DMXL2: variants seen among roughly 807,000 people sequenced by gnomAD.
DMXL2 encodes dmX-like protein 2.
In DMXL2, 103 loss-of-function variants were observed where a neutral mutation model predicts 331.1. The observed-to-expected ratio is 0.31, with a 90% CI of 0.27 to 0.37. The LOEUF (loss-of-function observed/expected upper bound fraction) is 0.37, where lower values mean the gene tolerates loss of function less well. Among genes scored for constraint, DMXL2 ranks in the 10% least tolerant of loss-of-function variants. The pLI is 1.00. For synonymous variants in DMXL2, 1,281 were observed against 1,252.1 expected (o/e 1.02, Z -0.49); for missense variants, 3,171 against 3,642.9 (o/e 0.87, Z 3.33).
At chr15:51,615,265 G>A (rs951827429) in intron 1 of DMXL2, among the ~76,000 whole-genome samples, 1 of 152,198 alleles carries the variant, frequency 6.6e-6, no homozygotes, top group Non-Finnish European at 1.5e-5. Flanking sequence ...ATTAAGCATG[G>A]TAGGAGAAAA....
intron 26 of DMXL2, among the ~76,000 whole-genome samples, chr15:51,477,548 A>G (rs894165057): frequency 6.6e-6 from 1 of 152,034 alleles, no homozygotes; most frequent in Non-Finnish European, 1.5e-5. Flanking sequence ...TTTACTTGAT[A>G]CCAAATGTTC....
In DMXL2 at chr15:51,476,733, G is replaced by C. The variant is rs758808408; in HGVS notation, c.6834-14C>G. ...TCTGTTTGACTGCTAAAACAAATAG[G>C]TTCAGTTATTTATCATCCTGAGAGG... On this transcript the variant is annotated splice_polypyrimidine_tract_variant and intron_variant, in intron 26 of 43. Coordinates refer to ENST00000560891, the MANE Select transcript of DMXL2 (RefSeq NM_001378457.1). The C allele has an allele frequency of 1.9e-6, 3 of 1,584,306 alleles. No individual in the cohort carries two copies. Among genetic ancestry groups the C allele is most frequent in the Non-Finnish European group, 2.6e-6 (3 of 1,171,708 alleles).
At chr15:51,502,050 G>A (rs554110469) in intron 17 of DMXL2, among the ~76,000 whole-genome samples, 2 of 151,568 alleles carry the variant, frequency 1.3e-5, no homozygotes, top group Non-Finnish European at 2.9e-5. Context: ...CTAACACGGT[G>A]AAACCCCGTC....
chr15:51,585,095 C>T (rs2141194605), intron 1 of DMXL2, among the ~76,000 whole-genome samples: 1 of 38,478 alleles, frequency 2.6e-5, no homozygotes, highest in South Asian at 8.0e-4. Flanking sequence ...TTGACTTCCT[C>T]TTTTCCTAAT....
intron 28 of DMXL2, among the ~76,000 whole-genome samples, chr15:51,473,947 T>G (rs1341718346): frequency 6.6e-6 from 1 of 152,158 alleles, no homozygotes; most frequent in Non-Finnish European, 1.5e-5. Flanking sequence ...GCTAAAGATT[T>G]TGAACACTTA....
intron 15 of DMXL2, among the ~76,000 whole-genome samples, chr15:51,508,716 C>T (rs79188213): frequency 0.014 from 2,195 of 152,266 alleles, 53 homozygotes; most frequent in African/African-American, 0.051. Context: ...GCGCAGACTC[C>T]TCATTCTGAA....
chr15:51,539,542 C>CTGTAA (rs2048474343), intron 9 of DMXL2, among the ~76,000 whole-genome samples: 7 of 152,100 alleles, frequency 4.6e-5, no homozygotes, highest in Non-Finnish European at 1.0e-4. Context: ...GGTGTGGTGG[C>CTGTAA]TCATGTCTGT....
Position 51,460,052 on chromosome 15 carries a change from T to C in DMXL2, c.7927-392A>G, listed in dbSNP as rs2039982608. The C allele has an allele frequency of 3.0e-5, 29 of 957,546 alleles. No homozygotes were observed. In the South Asian group the frequency reaches 1.4e-3, roughly 45 times the overall value. The allele number at this position is 957,546 out of a possible 1,614,324, so 59.3% of individuals were successfully genotyped here. The stretch of plus-strand genomic sequence containing the variant: ...TTGATTTAAAATACAAATTAAAATA[T>C]TTATTTCTAAACATAGATTCAAAAT... On this transcript the variant is annotated intron_variant, in intron 33 of 43. Transcript: ENST00000560891.
At chr15:51,525,797 G>T (rs1217337371) in intron 13 of DMXL2, among the ~76,000 whole-genome samples, 1 of 152,050 alleles carries the variant, frequency 6.6e-6, no homozygotes, top group Non-Finnish European at 1.5e-5. Context: ...ACACCAGGTA[G>T]ATTTCTAAGA....
At chr15:51,585,660 A>G (rs1019149228) in intron 1 of DMXL2, among the ~76,000 whole-genome samples, 1 of 152,216 alleles carries the variant, frequency 6.6e-6, no homozygotes, top group Admixed American at 6.5e-5. Flanking sequence ...TATAGCCCCA[A>G]GCTGTATAAA....
intron 33 of DMXL2, chr15:51,463,170 T>C (rs1374184239): frequency 2.6e-6 from 1 of 382,474 alleles, no homozygotes; most frequent in Non-Finnish European, 4.7e-6. Flanking sequence ...CTTGAATATA[T>C]GTAATTTATC....
At position 51,474,497 on chromosome 15, in the gene DMXL2, A is replaced by G; in HGVS notation, c.7060T>C (p.Leu2354=). The G allele has an allele frequency of 6.2e-7, 1 of 1,614,206 alleles. No individual in the cohort carries two copies. Among genetic ancestry groups the G allele is most frequent in the Non-Finnish European group, 8.5e-7 (1 of 1,180,012 alleles). Residue 2354 remains leucine (L), a synonymous_variant, in exon 28 of 44, where the codon TTA becomes CTA. Transcript: ENST00000560891. ...LLCEAVVAVY[L]SLLIHALATN... ...GCAAGAGCATGTATCAATAAACTTA[A>G]GTAAACAGCAACAACAGCTTCACAT...
chr15:51,506,932 T>C (rs189458093), intron 16 of DMXL2, among the ~76,000 whole-genome samples: 15 of 152,340 alleles, frequency 9.8e-5, no homozygotes, highest in Admixed American at 9.1e-4. Flanking sequence ...ATATGTCTAA[T>C]GTGCCCTTAG....
intron 1 of DMXL2, among the ~76,000 whole-genome samples, chr15:51,591,439 C>T (rs1386497885): frequency 4.6e-5 from 7 of 152,278 alleles, no homozygotes; most frequent in African/African-American, 1.4e-4. Context: ...GTGGGAAGCT[C>T]CAACTGGGTG....
At chr15:51,513,340 G>A (rs942125053) in intron 15 of DMXL2, among the ~76,000 whole-genome samples, 1 of 152,066 alleles carries the variant, frequency 6.6e-6, no homozygotes, top group African/African-American at 2.4e-5. Flanking sequence ...ATTAACCCAG[G>A]CAAAGGTAAG....
rs2048945473 is a variant in DMXL2, at chr15:51,547,418, AC to A, written c.568-11del. Reference sequence around the variant, plus strand: ...TCAAAAGACAATCATCCTGAAAAATACATAGGTCAATATAAAATTAATTTGT... The same window carrying A: ...TCAAAAGACAATCATCCTGAAAAATAATAGGTCAATATAAAATTAATTTGT... On this transcript the variant is annotated splice_polypyrimidine_tract_variant and intron_variant, in intron 6 of 43. Transcript: ENST00000560891. 1 of 1,559,900 alleles carries A rather than the reference AC, an allele frequency of 6.4e-7. No individual in the cohort carries two copies. The highest frequency in any genetic ancestry group is 8.6e-7 in the Non-Finnish European group (1 of 1,157,746).
At chr15:51,608,806 C>T (rs2053765762) in intron 1 of DMXL2, among the ~76,000 whole-genome samples, 1 of 151,936 alleles carries the variant, frequency 6.6e-6, no homozygotes, top group Non-Finnish European at 1.5e-5. Context: ...AACATTACAA[C>T]ACTAACAGAT....
In DMXL2 at chr15:51,499,450, C is replaced by G. The variant is rs762471139; in HGVS notation, c.3774G>C (p.Gly1258=). 2.5e-6 allele frequency: 4 copies of G among 1,614,030 alleles called. No individual in the cohort carries two copies. The highest frequency in any genetic ancestry group is 1.6e-4 in the Middle Eastern group (1 of 6,062). The change falls in exon 18 of 44, where the codon GGG becomes GGC. Residue 1258 remains glycine, a synonymous_variant. Coordinates refer to ENST00000560891, the MANE Select transcript of DMXL2 (RefSeq NM_001378457.1). ...LPVSLSWVRD[G]ILVVGMDCEM... ...CACAATCCATTCCTACCACCAATAT[C>G]CCATCTCTTACCCAAGAGAGAGAAA...
intron 13 of DMXL2, among the ~76,000 whole-genome samples, chr15:51,521,467 AGTG>A (rs1345174862): frequency 1.3e-3 from 189 of 147,210 alleles, no homozygotes; most frequent in African/African-American, 3.8e-3. Context: ...TAGTAGTGGT[AGTG>A]GTAGTAGTAG....
Sources: allele counts gnomAD v4.1 joint callset (sites outside exome capture counted in the v4.1 genomes callset), GRCh38; gene constraint gnomAD v4.1.1; transcripts MANE v1.5; gene names NCBI Gene and HGNC (gene_info 2026-07-23, HGNC 2026-07-21).